Variants in TPRG1 observed in about 807,000 individuals in gnomAD.
TPRG1 encodes the protein tumor protein p63 regulated 1, also known as tumor protein p63-regulated gene 1 protein.
A neutral mutation model predicts 29.3 loss-of-function variants in TPRG1; 29 were observed. The observed-to-expected ratio is 0.99, with a 90% confidence interval of 0.74 to 1.35. TPRG1 has a LOEUF of 1.35. Ranked by LOEUF, TPRG1 falls within the 40% of genes most tolerant of loss-of-function variation. TPRG1 has a pLI of 0.00. For missense variants in TPRG1, 327 were observed against 335.0 expected (o/e 0.98, Z 0.19); for synonymous variants, 130 against 116.8 (o/e 1.11, Z -0.73).
chr3:189,012,298 G>C (rs553346578), intron 3 of TPRG1, among the ~76,000 whole-genome samples: 21 of 152,062 alleles, frequency 1.4e-4, no homozygotes, highest in Middle Eastern at 3.4e-3. Flanking sequence ...TTATTTTGAG[G>C]TATGTTCCAT....
At chr3:189,279,672 A>C (rs552916835) in intron 4 of TPRG1, among the ~76,000 whole-genome samples, 1 of 152,210 alleles carries the variant, frequency 6.6e-6, no homozygotes, top group South Asian at 2.1e-4. Flanking sequence ...GAAAGGTAGT[A>C]TGAAAAACCT....
At chr3:189,197,587 T>C (rs1199042810) in intron 1 of TPRG1, among the ~76,000 whole-genome samples, 1 of 152,144 alleles carries the variant, frequency 6.6e-6, no homozygotes, top group Non-Finnish European at 1.5e-5. Context: ...TACAGAGTGG[T>C]TTTGTTTTAC....
intron 4 of TPRG1, among the ~76,000 whole-genome samples, chr3:189,059,073 G>C (rs981973348): frequency 3.9e-5 from 6 of 152,136 alleles, no homozygotes; most frequent in Non-Finnish European, 7.3e-5. Flanking sequence ...TTGCTTGCTA[G>C]TTCTGTGATA....
intron 4 of TPRG1, among the ~76,000 whole-genome samples, chr3:189,093,725 A>G (rs1025296447): frequency 1.3e-5 from 2 of 152,300 alleles, no homozygotes; most frequent in Non-Finnish European, 2.9e-5. Flanking sequence ...CTAAATTCCA[A>G]TATTTCGGGT....
chr3:189,034,675 C>T (rs1334289202), intron 4 of TPRG1, among the ~76,000 whole-genome samples: 1 of 152,064 alleles, frequency 6.6e-6, no homozygotes, highest in Non-Finnish European at 1.5e-5. Context: ...AGAAGGAAAT[C>T]TGGTGCTTTA....
chr3:189,213,649 G>A (rs1032308082), intron 2 of TPRG1, among the ~76,000 whole-genome samples: 5 of 152,068 alleles, frequency 3.3e-5, no homozygotes, highest in East Asian at 1.9e-4. Flanking sequence ...CATCACATTC[G>A]TTACTACCCA....
At chr3:189,227,151 AAAAAAAAAG>A (rs1427879548) in intron 3 of TPRG1, among the ~76,000 whole-genome samples, 1 of 150,772 alleles carries the variant, frequency 6.6e-6, no homozygotes, top group Non-Finnish European at 1.5e-5. Flanking sequence ...TGTCTTCACA[AAAAAAAAAG>A]AAAAAAAAGA....
chr3:189,062,223 A>G (rs1716158844), intron 4 of TPRG1, among the ~76,000 whole-genome samples: 1 of 152,054 alleles, frequency 6.6e-6, no homozygotes, highest in Admixed American at 6.6e-5. Flanking sequence ...GCTTGTAAGT[A>G]GGAGCTAAAT....
At chr3:189,121,896 G>T (rs148467250) in intron 1 of TPRG1, 29 of 152,280 alleles carry the variant, frequency 1.9e-4, no homozygotes, top group African/African-American at 6.5e-4. Context: ...ATGTTGAAAA[G>T]ATATTTGGCC....
At chr3:189,075,226 G>A (rs915073216) in intron 4 of TPRG1, among the ~76,000 whole-genome samples, 2 of 151,968 alleles carry the variant, frequency 1.3e-5, no homozygotes, top group Admixed American at 6.6e-5. Flanking sequence ...TCTGCCTCCC[G>A]GGTGCAAGTG....
At chr3:189,104,815 T>G (rs1719621441) in intron 1 of TPRG1, among the ~76,000 whole-genome samples, 1 of 152,142 alleles carries the variant, frequency 6.6e-6, no homozygotes, top group Admixed American at 6.6e-5. Flanking sequence ...ATATTTAAAA[T>G]GCCTTCCTCT....
chr3:189,019,967 G>C (rs1363087770), intron 3 of TPRG1, among the ~76,000 whole-genome samples: 2 of 151,458 alleles, frequency 1.3e-5, no homozygotes, highest in African/African-American at 4.8e-5. Flanking sequence ...TTGGGAGTGT[G>C]TATGTGTCGA....
chr3:189,006,771 A>T (rs962685955), intron 3 of TPRG1, among the ~76,000 whole-genome samples: 1 of 152,128 alleles, frequency 6.6e-6, no homozygotes, highest in Admixed American at 6.6e-5. Context: ...GGGGTGAGCA[A>T]ACTTTAGCTT....
At chr3:189,128,410 A>G (rs1286632667) in intron 2 of TPRG1, among the ~76,000 whole-genome samples, 3 of 152,200 alleles carry the variant, frequency 2.0e-5, no homozygotes, top group Non-Finnish European at 2.9e-5. Context: ...CAGGGCATCT[A>G]AAGAAAAAAA....
chr3:189,285,108 A>G (rs934805351), intron 4 of TPRG1, among the ~76,000 whole-genome samples: 1 of 152,064 alleles, frequency 6.6e-6, no homozygotes, highest in Non-Finnish European at 1.5e-5. Flanking sequence ...AAATCAAACA[A>G]CCCCATCAAC....
At chr3:189,116,917 T>C (rs1721244919) in intron 1 of TPRG1, among the ~76,000 whole-genome samples, 1 of 152,196 alleles carries the variant, frequency 6.6e-6, no homozygotes, top group Non-Finnish European at 1.5e-5. Context: ...GTGGTAAAGA[T>C]GGTACATTTT....
intron 4 of TPRG1, among the ~76,000 whole-genome samples, chr3:189,033,701 T>C (rs1250101367): frequency 6.6e-6 from 1 of 151,990 alleles, no homozygotes; most frequent in Non-Finnish European, 1.5e-5. Flanking sequence ...TGCCTCAGCC[T>C]TCCGAGTAGC....
chr3:189,109,938 T>C (rs548647911), intron 1 of TPRG1, among the ~76,000 whole-genome samples: 1 of 152,324 alleles, frequency 6.6e-6, no homozygotes, highest in South Asian at 2.1e-4. Flanking sequence ...TTATTTTTCT[T>C]TGAATAATGC....
intron 3 of TPRG1, chr3:189,217,784 GA>G (rs1002553602): frequency 6.1e-6 from 6 of 975,706 alleles, no homozygotes; most frequent in Middle Eastern, 5.3e-4. Context: ...AGAAAAATAA[GA>G]AAAAATAATT....
Sources: gnomAD v4.1 joint callset for allele counts (sites outside exome capture counted in the v4.1 genomes callset) on GRCh38, gnomAD v4.1.1 for gene constraint, MANE v1.5 for transcripts, NCBI Gene and HGNC (gene_info 2026-07-23, HGNC 2026-07-21) for gene names.